ZNF536: variants seen among roughly 807,000 people sequenced by gnomAD.
The protein encoded by ZNF536 is zinc finger protein 536.
ZNF536 carries 13 observed loss-of-function variants against 84.5 expected under a neutral mutation model. That is an observed-to-expected ratio of 0.15 (90% confidence interval 0.10 to 0.24). ZNF536 has a LOEUF of 0.24. Among genes scored for constraint, ZNF536 ranks in the 10% least tolerant of loss-of-function variants. The pLI is 1.00. For missense variants in ZNF536, 1,536 were observed against 1,747.5 expected, an observed-to-expected ratio of 0.88 and a Z score of 2.16; for synonymous variants, 811 against 742.5, an observed-to-expected ratio of 1.09 and a Z score of -1.50.
chr19:30,366,449 CT>C (rs1365764842), intron 3 of ZNF536, among the ~76,000 whole-genome samples: 1 of 150,024 alleles, frequency 6.7e-6, no homozygotes, highest in Non-Finnish European at 1.5e-5. Flanking sequence ...TCATTTCTTC[CT>C]TTCTCCTTCT....
At chr19:30,381,071 T>A (rs1003987587) in intron 1 of ZNF536, among the ~76,000 whole-genome samples, 1 of 152,068 alleles carries the variant, frequency 6.6e-6, no homozygotes, top group Non-Finnish European at 1.5e-5. Flanking sequence ...AGAGACAGGG[T>A]CTTGCTATGT....
chr19:30,286,361 A>G (rs1290931461), intron 2 of ZNF536, among the ~76,000 whole-genome samples: 1 of 152,186 alleles, frequency 6.6e-6, no homozygotes, highest in Admixed American at 6.5e-5. Flanking sequence ...AGAGACCTTC[A>G]ACAGAAAAAT....
intron 1 of ZNF536, among the ~76,000 whole-genome samples, chr19:30,383,699 TTC>T (rs1171922418): frequency 0.052 from 480 of 9,146 alleles, 17 homozygotes; most frequent in East Asian, 0.13. Context: ...TTTCTTTTCT[TTC>T]TCTTTCTTTC....
intron 2 of ZNF536, among the ~76,000 whole-genome samples, chr19:30,450,942 A>G (rs1258661492): frequency 6.6e-6 from 1 of 152,176 alleles, no homozygotes; most frequent in Non-Finnish European, 1.5e-5. Context: ...CTCAGCTGTG[A>G]AAGCCGAGCG....
chr19:30,461,847 C>G (rs1007680419), intron 2 of ZNF536, among the ~76,000 whole-genome samples: 1 of 152,186 alleles, frequency 6.6e-6, no homozygotes, highest in Non-Finnish European at 1.5e-5. Context: ...GAGAAGGGGC[C>G]TGCAGGTAGA....
intron 1 of ZNF536, among the ~76,000 whole-genome samples, chr19:30,439,406 C>T (rs1181294482): frequency 6.6e-6 from 1 of 152,150 alleles, no homozygotes; most frequent in African/African-American, 2.4e-5. Flanking sequence ...AGTGTCAAGG[C>T]TGGAGAAATT....
intron 1 of ZNF536, among the ~76,000 whole-genome samples, chr19:30,572,658 C>G (rs532527592): frequency 6.6e-6 from 1 of 152,278 alleles, no homozygotes; most frequent in East Asian, 1.9e-4. Context: ...AAGATGACAT[C>G]TCTCGTGGGG....
At chr19:30,463,348 T>A (rs1473022953) in intron 2 of ZNF536, among the ~76,000 whole-genome samples, 1 of 152,126 alleles carries the variant, frequency 6.6e-6, no homozygotes, top group Non-Finnish European at 1.5e-5. Flanking sequence ...AGGTGGAAGA[T>A]CTGGCTTTTG....
At chr19:30,642,279 T>A (rs959931495) in intron 1 of ZNF536, among the ~76,000 whole-genome samples, 2 of 152,170 alleles carry the variant, frequency 1.3e-5, no homozygotes, top group Admixed American at 1.3e-4. Flanking sequence ...TTTATTTCTG[T>A]ATATTGGTTG....
chr19:30,525,189 TG>T (rs1012925228), intron 2 of ZNF536, among the ~76,000 whole-genome samples: 9 of 152,178 alleles, frequency 5.9e-5, no homozygotes, highest in Non-Finnish European at 1.3e-4. Context: ...GAGGGAGAAC[TG>T]GGTGACACCC....
rs1343448158 is a variant in ZNF536 at position 30,377,594 on chromosome 19, A to G, written c.-3+5038A>G. ...CACCCTAGGTCCAATGCTCGTATAT[A>G]TAGGATAAAAAAGATCATGGGGAGA... On this transcript the variant is annotated intron_variant, in intron 1 of 4. Coordinates refer to ENST00000355537, the MANE Select transcript of ZNF536 (RefSeq NM_014717.3). Among the ~76,000 whole-genome samples the G allele has an allele frequency of 2.0e-5, 3 of 152,340 alleles. No homozygotes were observed. The East Asian group carries it at 5.8e-4, about 29-fold the overall frequency.
At chr19:30,588,926 T>G (rs961765420) in intron 1 of ZNF536, among the ~76,000 whole-genome samples, 8 of 152,196 alleles carry the variant, frequency 5.3e-5, no homozygotes, top group Non-Finnish European at 1.0e-4. Context: ...GCAAGCGTCA[T>G]AGAAGCATTC....
At chr19:30,471,853 T>C (rs982908480) in intron 2 of ZNF536, among the ~76,000 whole-genome samples, 4 of 152,284 alleles carry the variant, frequency 2.6e-5, no homozygotes, top group African/African-American at 9.6e-5. Context: ...ATGCTACTTT[T>C]ATTTTTAAGT....
At chr19:30,303,701 C>T (rs1198862550) in intron 2 of ZNF536, among the ~76,000 whole-genome samples, 2 of 152,148 alleles carry the variant, frequency 1.3e-5, no homozygotes, top group African/African-American at 4.8e-5. Flanking sequence ...CAAAGTTTCA[C>T]CATGTCGGCC....
intron 2 of ZNF536, among the ~76,000 whole-genome samples, chr19:30,468,659 G>A (rs1400831778): frequency 6.6e-6 from 1 of 152,154 alleles, no homozygotes; most frequent in East Asian, 1.9e-4. Context: ...GGAAGGCACG[G>A]AGCAGCATGG....
chr19:30,251,914 A>C (rs1186811773), intron 1 of ZNF536, among the ~76,000 whole-genome samples: 1 of 152,168 alleles, frequency 6.6e-6, no homozygotes, highest in Non-Finnish European at 1.5e-5. Flanking sequence ...CCATTTATTC[A>C]TTCCTTTTTG....
At chr19:30,509,869 G>A (rs998720304) in intron 2 of ZNF536, among the ~76,000 whole-genome samples, 3 of 152,186 alleles carry the variant, frequency 2.0e-5, no homozygotes, top group South Asian at 2.1e-4. Flanking sequence ...CTGTTGAATC[G>A]TGAATTTCTT....
chr19:30,469,649 A>T (rs895935704), intron 2 of ZNF536, among the ~76,000 whole-genome samples: 6 of 152,176 alleles, frequency 3.9e-5, no homozygotes, highest in Non-Finnish European at 7.3e-5. Context: ...GAAGCCATGC[A>T]CAGGTGTACC....
intron 1 of ZNF536, among the ~76,000 whole-genome samples, chr19:30,413,115 T>A (rs970957660): frequency 8.5e-5 from 13 of 152,166 alleles, no homozygotes; most frequent in African/African-American, 2.9e-4. Context: ...TTTATTCTCA[T>A]CCATATTGCC....
Sources: gnomAD v4.1 joint callset for allele counts (sites outside exome capture counted in the v4.1 genomes callset) on GRCh38, gnomAD v4.1.1 for gene constraint, MANE v1.5 for transcripts, NCBI Gene and HGNC (gene_info 2026-07-23, HGNC 2026-07-21) for gene names.